SH3RF3: variants seen among roughly 807,000 people sequenced by gnomAD.
SH3RF3 encodes E3 ubiquitin-protein ligase SH3RF3.
Under a neutral mutation model 66.3 loss-of-function variants are expected in SH3RF3, and 29 were observed. The ratio of observed to expected loss-of-function variants is 0.44; its 90% CI spans 0.33 to 0.60. SH3RF3 has a LOEUF of 0.60. Among genes scored for constraint, SH3RF3 ranks in the 20% least tolerant of loss-of-function variants. The pLI, the probability that SH3RF3 is intolerant of heterozygous loss-of-function variation, is 0.04. For missense variants in SH3RF3, 1,194 were observed against 1,190.9 expected (o/e 1.00, Z -0.04); for synonymous variants, 583 against 532.0 (o/e 1.10, Z -1.32).
intron 1 of SH3RF3, among the ~76,000 whole-genome samples, chr2:109,273,885 G>A (rs927917742): frequency 6.6e-6 from 1 of 152,162 alleles, no homozygotes; most frequent in Non-Finnish European, 1.5e-5. Context: ...TAGGCTGCTA[G>A]ATGAAGAATA....
chr2:109,430,641 ATTT>A (rs1677182421), intron 5 of SH3RF3, among the ~76,000 whole-genome samples: 1 of 151,694 alleles, frequency 6.6e-6, no homozygotes, highest in African/African-American at 2.4e-5. Context: ...GTTGTTTGTC[ATTT>A]TCACTGGACT....
At chr2:109,337,520 G>C (rs1453285198) in intron 1 of SH3RF3, among the ~76,000 whole-genome samples, 8 of 152,172 alleles carry the variant, frequency 5.3e-5, no homozygotes, top group African/African-American at 1.4e-4. Context: ...AGGCACCCCC[G>C]GTCACAGGAT....
chr2:109,339,988 T>C (rs1400367563), intron 1 of SH3RF3, among the ~76,000 whole-genome samples: 1 of 152,204 alleles, frequency 6.6e-6, no homozygotes, highest in African/African-American at 2.4e-5. Flanking sequence ...TTTGTGATGC[T>C]GAGGAATTTG....
rs1285058430 is a variant in SH3RF3, at chr2:109,129,262, C to T, written c.-279C>T. 3.4e-6 allele frequency: 2 copies of T among 596,220 alleles called. No homozygotes were observed. The highest frequency in any genetic ancestry group is 5.9e-6 in the Non-Finnish European group (2 of 338,346). 36.9% of individuals were successfully genotyped at this position (596,220 alleles called of 1,614,324 possible). On this transcript the variant is annotated 5_prime_UTR_variant, in exon 1 of 10. Transcript: ENST00000309415. Reference sequence around the variant, plus strand: ...CCCCCGGTCCCCCGCGCGGGGCGGACTTGCGGCGGGACAGGTGTAGCCCGC... The same window carrying T: ...CCCCCGGTCCCCCGCGCGGGGCGGATTTGCGGCGGGACAGGTGTAGCCCGC...
intron 4 of SH3RF3, among the ~76,000 whole-genome samples, chr2:109,414,598 G>T (rs909285399): frequency 6.6e-6 from 1 of 152,100 alleles, no homozygotes; most frequent in Non-Finnish European, 1.5e-5. Context: ...AGACTGCATT[G>T]CCTCATAGAT....
At chr2:109,387,668 A>G (rs1297825934) in intron 3 of SH3RF3, among the ~76,000 whole-genome samples, 2 of 151,966 alleles carry the variant, frequency 1.3e-5, no homozygotes. Context: ...CTCCTCTCAT[A>G]CTTTTTCCTC....
At chr2:109,341,628 G>A (rs1369028750) in intron 1 of SH3RF3, among the ~76,000 whole-genome samples, 1 of 152,138 alleles carries the variant, frequency 6.6e-6, no homozygotes, top group Non-Finnish European at 1.5e-5. Context: ...TCATGGTATG[G>A]GGGTGTGTTC....
chr2:109,372,788 C>G (rs921889556), intron 3 of SH3RF3, among the ~76,000 whole-genome samples: 6 of 152,144 alleles, frequency 3.9e-5, no homozygotes, highest in African/African-American at 1.4e-4. Flanking sequence ...CTCCATGTGT[C>G]CCCCCTGCCT....
rs61224177 is a variant in SH3RF3 at position 109,471,206 on chromosome 2, C to CAAA, written c.2149-19376_2149-19374dup. 3.2e-3 allele frequency among the ~76,000 whole-genome samples: 129 copies of CAAA among 40,108 alleles called. 2 individuals are homozygous for CAAA. Among genetic ancestry groups the CAAA allele is most frequent in the African/African-American group, 5.6e-3 (89 of 15,822 alleles). 26.3% of individuals were successfully genotyped at this position (40,108 alleles called of 152,430 possible). On this transcript the variant is annotated intron_variant, in intron 8 of 9. Coordinates refer to ENST00000309415, the MANE Select transcript of SH3RF3 (RefSeq NM_001099289.3). Reference sequence around the variant, plus strand: ...CCAGCCTGGGCGACAGACTCTGTCTCAAAAAAAAAAAAAAAAAAAAAAAAA... The same window carrying CAAA: ...CCAGCCTGGGCGACAGACTCTGTCTCAAAAAAAAAAAAAAAAAAAAAAAAAAAA...
chr2:109,379,638 C>T (rs1573205388), intron 3 of SH3RF3, among the ~76,000 whole-genome samples: 1 of 152,184 alleles, frequency 6.6e-6, no homozygotes, highest in East Asian at 1.9e-4. Flanking sequence ...TTTCGTCATC[C>T]TCTGTTTTTA....
intron 8 of SH3RF3, among the ~76,000 whole-genome samples, chr2:109,464,626 T>C (rs1437126049): frequency 1.3e-5 from 2 of 152,200 alleles, no homozygotes; most frequent in Admixed American, 6.5e-5. Flanking sequence ...ATATTGGAAG[T>C]CATCCTTCCA....
At chr2:109,372,139 C>T (rs565743460) in intron 3 of SH3RF3, among the ~76,000 whole-genome samples, 2 of 152,348 alleles carry the variant, frequency 1.3e-5, no homozygotes, top group Admixed American at 6.5e-5. Context: ...CCTCCTTGGA[C>T]TCAGGGTTAT....
intron 3 of SH3RF3, among the ~76,000 whole-genome samples, chr2:109,382,829 G>C (rs563269885): frequency 6.6e-6 from 1 of 152,342 alleles, no homozygotes; most frequent in African/African-American, 2.4e-5. Flanking sequence ...AGGATTCCTA[G>C]TGCAGAGACA....
intron 5 of SH3RF3, among the ~76,000 whole-genome samples, chr2:109,432,258 T>C (rs1192561823): frequency 6.6e-6 from 1 of 152,172 alleles, no homozygotes; most frequent in Non-Finnish European, 1.5e-5. Context: ...CCTAAGGCTG[T>C]GGGTGACAGG....
intron 7 of SH3RF3, among the ~76,000 whole-genome samples, chr2:109,441,391 A>G (rs1677559697): frequency 6.6e-6 from 1 of 152,216 alleles, no homozygotes; most frequent in Non-Finnish European, 1.5e-5. Flanking sequence ...TAAAAACTAC[A>G]GTGTGTGAGA....
chr2:109,355,105 G>A (rs978417356), intron 2 of SH3RF3, among the ~76,000 whole-genome samples: 4 of 152,126 alleles, frequency 2.6e-5, no homozygotes, highest in East Asian at 1.9e-4. Flanking sequence ...ATATGGTAAC[G>A]GCATTTGGTG....
chr2:109,432,697 G>A (rs1463837379), intron 6 of SH3RF3, 26 bp downstream of exon 6: 1 of 1,599,926 alleles, frequency 6.3e-7, no homozygotes, highest in Non-Finnish European at 8.5e-7. Context: ...TGGCAGCCTG[G>A]GCAAGGAGAG....
intron 4 of SH3RF3, among the ~76,000 whole-genome samples, chr2:109,403,439 G>A (rs552058721): frequency 6.6e-6 from 1 of 152,240 alleles, no homozygotes; most frequent in Admixed American, 6.5e-5. Context: ...GGCCCCAGGG[G>A]TAGTGGTGAC....
At chr2:109,354,151 C>T (rs963924473) in intron 2 of SH3RF3, among the ~76,000 whole-genome samples, 5 of 152,090 alleles carry the variant, frequency 3.3e-5, no homozygotes, top group African/African-American at 1.2e-4. Flanking sequence ...AGTTTCTGAA[C>T]TATTCCCTTT....
Sources: gnomAD v4.1 joint callset for allele counts (sites outside exome capture counted in the v4.1 genomes callset) on GRCh38, gnomAD v4.1.1 for gene constraint, MANE v1.5 for transcripts, NCBI Gene and HGNC (gene_info 2026-07-23, HGNC 2026-07-21) for gene names.